HS6ST2: variants seen among roughly 807,000 people sequenced by gnomAD.
HS6ST2 encodes heparan-sulfate 6-O-sulfotransferase 2.
In HS6ST2, 17 loss-of-function variants were observed where a neutral mutation model predicts 33.0. The ratio of observed to expected loss-of-function variants is 0.52; its 90% CI spans 0.35 to 0.77. HS6ST2 has a LOEUF of 0.77. Ranked by LOEUF, HS6ST2 falls within the 30% of genes least tolerant of loss-of-function variation. The pLI, the probability that HS6ST2 is intolerant of heterozygous loss-of-function variation, is 0.01. For synonymous variants in HS6ST2, 248 were observed against 237.1 expected (o/e 1.05, Z -0.42); for missense variants, 519 against 551.7 (o/e 0.94, Z 0.59).
intron 4 of HS6ST2, among the ~76,000 whole-genome samples, chrX:132,633,609 C>T (rs2063533967): frequency 9.0e-6 from 1 of 110,827 alleles, no homozygotes; most frequent in Admixed American, 9.6e-5. Context: ...ACAGATCTGG[C>T]ACTCAGAGAG....
chrX:132,907,636 C>T (rs2066487023), intron 2 of HS6ST2: 2 of 111,623 alleles, frequency 1.8e-5, no homozygotes, highest in African/African-American at 6.5e-5. Context: ...TGGAAGTTGC[C>T]CCATGCATGG....
chrX:132,936,218 C>G (rs1038254956), intron 2 of HS6ST2, among the ~76,000 whole-genome samples: 2 of 110,877 alleles, frequency 1.8e-5, no homozygotes, highest in African/African-American at 6.5e-5. Flanking sequence ...TGCCAATAAA[C>G]TGGATAACTT....
At chrX:132,776,114 G>A (rs951180137) in intron 2 of HS6ST2, among the ~76,000 whole-genome samples, 2 of 111,951 alleles carry the variant, frequency 1.8e-5, no homozygotes, top group Admixed American at 9.5e-5. Context: ...GTATGATCAT[G>A]GGGTGGATGG....
intron 2 of HS6ST2, among the ~76,000 whole-genome samples, chrX:132,799,672 G>A (rs941530959): frequency 9.0e-6 from 1 of 111,324 alleles, no homozygotes; most frequent in Non-Finnish European, 1.9e-5. Flanking sequence ...GTGAGCTGCT[G>A]TGCCCAGCCC....
intron 4 of HS6ST2, among the ~76,000 whole-genome samples, chrX:132,649,825 T>C (rs1202800509): frequency 9.7e-6 from 1 of 103,133 alleles, no homozygotes; most frequent in African/African-American, 3.6e-5. Context: ...GCCACTGCAC[T>C]CCAGCCTGGG....
At chrX:132,818,904 A>G (rs984850658) in intron 2 of HS6ST2, among the ~76,000 whole-genome samples, 2 of 112,130 alleles carry the variant, frequency 1.8e-5, no homozygotes, top group Non-Finnish European at 3.8e-5. Flanking sequence ...TAAGTATGCC[A>G]CTGAATGGTC....
intron 4 of HS6ST2, among the ~76,000 whole-genome samples, chrX:132,641,399 G>A (rs762528412): frequency 4.2e-4 from 47 of 112,343 alleles, no homozygotes; most frequent in Non-Finnish European, 7.7e-4. Context: ...TGCCCGCCTC[G>A]ACCTCCCAAA....
At chrX:132,951,508 G>A (rs927767036) in intron 2 of HS6ST2, among the ~76,000 whole-genome samples, 4 of 111,238 alleles carry the variant, frequency 3.6e-5, no homozygotes, top group African/African-American at 9.8e-5. Flanking sequence ...CTTTAGAAAG[G>A]AAAGGGCCCT....
chrX:132,834,183 G>C (rs1351325115), intron 2 of HS6ST2, among the ~76,000 whole-genome samples: 1 of 111,691 alleles, frequency 9.0e-6, no homozygotes, highest in Non-Finnish European at 1.9e-5. Context: ...TGCTATAAAA[G>C]AAGAGGAACG....
chrX:132,928,767 T>C (rs2066735420), intron 2 of HS6ST2, among the ~76,000 whole-genome samples: 1 of 111,425 alleles, frequency 9.0e-6, no homozygotes, highest in African/African-American at 3.3e-5. Context: ...TCAGTACCTA[T>C]GGCACTGCTA....
chrX:132,645,323 G>T (rs2063631891), intron 4 of HS6ST2, among the ~76,000 whole-genome samples: 1 of 112,566 alleles, frequency 8.9e-6, no homozygotes, highest in Non-Finnish European at 1.9e-5. Flanking sequence ...GAATATAGGA[G>T]ACCAGCTATT....
chrX:132,924,262 A>T (rs2066686634), intron 2 of HS6ST2, among the ~76,000 whole-genome samples: 1 of 111,873 alleles, frequency 8.9e-6, no homozygotes, highest in South Asian at 3.8e-4. Context: ...ATGTCTTGAG[A>T]TCATTAAAGT....
intron 4 of HS6ST2, among the ~76,000 whole-genome samples, chrX:132,635,428 T>C (rs1209806914): frequency 9.0e-6 from 1 of 111,524 alleles, no homozygotes; most frequent in African/African-American, 3.3e-5. Context: ...TGTCATTCCC[T>C]AATTAAGCCC....
intron 2 of HS6ST2, among the ~76,000 whole-genome samples, chrX:132,850,772 T>A (rs191737048): frequency 1.8e-5 from 2 of 110,963 alleles, no homozygotes; most frequent in Non-Finnish European, 3.8e-5. Context: ...TACACACTGA[T>A]GTATTCTCAT....
intron 2 of HS6ST2, among the ~76,000 whole-genome samples, chrX:132,900,588 T>C (rs909508831): frequency 3.6e-5 from 4 of 111,094 alleles, no homozygotes; most frequent in Non-Finnish European, 5.7e-5. Context: ...TATTGTACTA[T>C]ATGTGGTATA....
intron 3 of HS6ST2, among the ~76,000 whole-genome samples, chrX:132,685,970 A>C (rs1275716400): frequency 1.8e-5 from 2 of 112,228 alleles, no homozygotes; most frequent in Non-Finnish European, 3.8e-5. Context: ...TAGTGCTTTG[A>C]CATCATTTTC....
chrX:132,922,834 G>A lies in HS6ST2; in HGVS notation c.947+33974C>T, dbSNP rs780719703. Among the ~76,000 whole-genome samples, 10 of 111,512 alleles carry A rather than the reference G, an allele frequency of 9.0e-5. No homozygotes were observed. The South Asian group carries it at 1.1e-3, about 13-fold the overall frequency. On this transcript the variant is annotated intron_variant, in intron 2 of 4. Transcript: ENST00000370833. ...TCCCAACACTTTGGGAGGCCTTGGC[G>A]GGTGGATCACTTGAGGCCAGGAATT...
At chrX:132,831,698 A>G (rs2065591920) in intron 2 of HS6ST2, among the ~76,000 whole-genome samples, 1 of 112,191 alleles carries the variant, frequency 8.9e-6, no homozygotes, top group Admixed American at 9.5e-5. Flanking sequence ...GGCCTGTCTT[A>G]GGCAGAAGCC....
intron 4 of HS6ST2, among the ~76,000 whole-genome samples, chrX:132,666,927 T>C (rs1031285535): frequency 1.8e-5 from 2 of 111,225 alleles, no homozygotes; most frequent in African/African-American, 3.3e-5. Flanking sequence ...TGGAGACATC[T>C]ACCTATCCCC....
Sources: allele counts gnomAD v4.1 joint callset (sites outside exome capture counted in the v4.1 genomes callset), GRCh38; gene constraint gnomAD v4.1.1; transcripts MANE v1.5; gene names NCBI Gene and HGNC (gene_info 2026-07-23, HGNC 2026-07-21).